Variants in SCN2A observed in about 807,000 individuals in gnomAD.
SCN2A encodes the protein sodium voltage-gated channel alpha subunit 2.
SCN2A carries 20 observed loss-of-function variants against 188.7 expected under a neutral mutation model. The ratio of observed to expected loss-of-function variants is 0.11; its 90% confidence interval spans 0.07 to 0.15. SCN2A has a LOEUF of 0.15. SCN2A is among the 10% of genes least tolerant of loss of function. SCN2A has a pLI of 1.00. For synonymous variants in SCN2A, 804 were observed against 833.1 expected (o/e 0.97, Z 0.60); for missense variants, 1,278 against 2,445.0 (o/e 0.52, Z 10.07).
At chr2:165,244,221 G>A (rs570969942) in intron 1 of SCN2A, among the ~76,000 whole-genome samples, 5 of 152,030 alleles carry the variant, frequency 3.3e-5, no homozygotes, top group Non-Finnish European at 7.4e-5. Context: ...CAGCTTGGGC[G>A]ATAGAGGGAA....
chr2:165,345,702 A>T (rs1035868454), intron 16 of SCN2A, among the ~76,000 whole-genome samples: 2 of 152,076 alleles, frequency 1.3e-5, no homozygotes, highest in Non-Finnish European at 2.9e-5. Context: ...CATTTAGCCC[A>T]TTTACATTTA....
intron 11 of SCN2A, among the ~76,000 whole-genome samples, chr2:165,320,003 A>G (rs1697986951): frequency 6.6e-6 from 1 of 152,230 alleles, no homozygotes; most frequent in South Asian, 2.1e-4. Context: ...GTCCAAACAA[A>G]GCCTCATCGG....
At position 165,280,565 on chromosome 2, in the gene SCN2A, GC is replaced by G. The variant is rs1177090435; in HGVS notation, c.-51-15203del. Among the ~76,000 whole-genome samples, 3 of 152,050 alleles carry G rather than the reference GC, an allele frequency of 2.0e-5. No homozygotes were observed. The East Asian group carries it at 5.8e-4, about 30-fold the overall frequency. On this transcript the variant is annotated intron_variant, in intron 1 of 26. Coordinates refer to ENST00000375437, the MANE Select transcript of SCN2A (RefSeq NM_001040142.2). ...GTCTGAAGTGCCGGTGAGTTTACGT[GC>G]CCCCACCCATATCCTTAGCGAAGAC...
chr2:165,269,239 C>T (rs917981613), intron 1 of SCN2A: 1 of 151,896 alleles, frequency 6.6e-6, no homozygotes, highest in East Asian at 1.9e-4. Context: ...TTAAGTTGCA[C>T]ACTGTAAATA....
At position 165,314,113 on chromosome 2, in the gene SCN2A, A is replaced by G. The variant is rs1697594985; in HGVS notation, c.1383+5A>G. On this transcript the variant is annotated splice_donor_5th_base_variant and intron_variant, in intron 10 of 26. Transcript: ENST00000375437. ...AAGCAACAAGAAGAAGCTCAGGTATAGTGAACAAGCATACGGTCCTTTGTT... is the reference window on the plus strand; with the variant it reads ...AAGCAACAAGAAGAAGCTCAGGTATGGTGAACAAGCATACGGTCCTTTGTT... 2 of 1,612,876 alleles carry G rather than the reference A, an allele frequency of 1.2e-6. No individual in the cohort carries two copies. Among genetic ancestry groups the G allele is most frequent in the Non-Finnish European group, 1.7e-6 (2 of 1,179,226 alleles).
rs185436593 is a variant in SCN2A, at chr2:165,265,417, A to G, written c.-52+25777A>G. On this transcript the variant is annotated intron_variant, in intron 1 of 26. Transcript: ENST00000375437. ...TGGATATTAGACCTTTGTCAGATGC[A>G]TAGTTGGCAAGTATTTTCTCCTATT... Among the ~76,000 whole-genome samples, 122 of 134,490 alleles carry G rather than the reference A, an allele frequency of 9.1e-4. 1 individual carries two copies. In the East Asian group the frequency reaches 0.021, roughly 23 times the overall value. 88.2% of individuals were successfully genotyped at this position (134,490 alleles called of 152,430 possible). A position where few individuals can be genotyped will look rare whatever the true frequency, so the allele number is the denominator to read the frequency against.
chr2:165,295,734 C>G (rs973067209), intron 1 of SCN2A, 39 bp from the exon 2 acceptor site: 2 of 1,584,372 alleles, frequency 1.3e-6, no homozygotes, highest in African/African-American at 2.7e-5. Flanking sequence ...ACCTTTTATT[C>G]TAATGGTCAT....
chr2:165,308,794 C>T lies in SCN2A; in HGVS notation c.605C>T (p.Ala202Val). The T allele has an allele frequency of 6.2e-7, 1 of 1,612,410 alleles. No individual in the cohort carries two copies. The highest frequency in any genetic ancestry group is 8.5e-7 in the Non-Finnish European group (1 of 1,178,838). Residue 202 changes from alanine to valine, a missense_variant and splice_region_variant, in exon 5 of 27, where the codon GCA becomes GTA. Coordinates refer to ENST00000375437, the MANE Select transcript of SCN2A (RefSeq NM_001040142.2). ...TTGGATTTCACAGTCATTACTTTTG[C>T]GTAAGTATCTTAATACATTTTCTAT... Reference protein sequence around the residue: ...NWLDFTVITFAYVTEFVDLGN... With the variant: ...NWLDFTVITFVYVTEFVDLGN...
At chr2:165,364,406 T>G (rs73025935) in intron 17 of SCN2A, among the ~76,000 whole-genome samples, 3,616 of 152,312 alleles carry the variant, frequency 0.024, 134 homozygotes, top group African/African-American at 0.08. Context: ...TATTTTTCTT[T>G]TGGTGATATT....
chr2:165,379,004 G>C lies in SCN2A; in HGVS notation c.4308+1354G>C, dbSNP rs1261360393. The stretch of plus-strand genomic sequence containing the variant: ...TAAGAACACTCGTACAATGCTGATA[G>C]GAAAAAAAATAGTTAAATAATCCTT... On this transcript the variant is annotated intron_variant, in intron 23 of 26. Transcript: ENST00000375437. Among the ~76,000 whole-genome samples the C allele has an allele frequency of 4.6e-5, 7 of 151,582 alleles. No individual in the cohort carries two copies. In the East Asian group the frequency reaches 1.4e-3, roughly 29 times the overall value.
intron 19 of SCN2A, among the ~76,000 whole-genome samples, chr2:165,368,975 G>T (rs1037387041): frequency 2.2e-4 from 34 of 152,076 alleles, no homozygotes; most frequent in African/African-American, 7.7e-4. Context: ...GCCCAGGCTG[G>T]AGTGCAGTGG....
Position 165,314,031 on chromosome 2 carries a change from T to G in SCN2A, c.1306T>G (p.Leu436Val). 2 of 1,613,806 alleles carry G rather than the reference T, an allele frequency of 1.2e-6. No individual in the cohort carries two copies. The highest frequency in any genetic ancestry group is 1.7e-6 in the Non-Finnish European group (2 of 1,179,782). The stretch of plus-strand genomic sequence containing the variant: ...CTATGAGGAACAGAATCAGGCCACA[T>G]TGGAAGAGGCTGAACAGAAGGAAGC... ...MAYEEQNQAT[L>V]EEAEQKEAEF... Residue 436 changes from leucine to valine, a missense_variant, in exon 10 of 27, where the codon TTG (leucine) becomes GTG (valine). By Grantham distance (32) the Leu-to-Val change is conservative. This residue lies in a region of SCN2A where 42 missense variants were observed against 137.3 expected (regional missense o/e 0.31). Coordinates refer to ENST00000375437, the MANE Select transcript of SCN2A (RefSeq NM_001040142.2).
intron 25 of SCN2A, among the ~76,000 whole-genome samples, chr2:165,385,856 TTAAAG>T (rs1701841354): frequency 6.6e-6 from 1 of 152,152 alleles, no homozygotes; most frequent in Non-Finnish European, 1.5e-5. Context: ...TATTAGTTGC[TTAAAG>T]TAAAATTAAT....
At position 165,370,556 on chromosome 2, in the gene SCN2A, T is replaced by C. The variant is rs1407470337; in HGVS notation, c.3849+257T>C. The C allele has an allele frequency of 4.0e-5, 16 of 399,558 alleles. No homozygotes were observed. The East Asian group carries it at 4.5e-4, about 11-fold the overall frequency. 24.8% of individuals were successfully genotyped at this position (399,558 alleles called of 1,614,324 possible). A position where few individuals can be genotyped will look rare whatever the true frequency, so the allele number is the denominator to read the frequency against. Reference sequence around the variant, plus strand: ...AATTAATATTTAAAATCTCAAGTTATGCAAAATAAAATATGAATTTAGAAA... The same window carrying C: ...AATTAATATTTAAAATCTCAAGTTACGCAAAATAAAATATGAATTTAGAAA... On this transcript the variant is annotated intron_variant, in intron 20 of 26. Coordinates refer to ENST00000375437, the MANE Select transcript of SCN2A (RefSeq NM_001040142.2).
chr2:165,330,898 A>G (rs939952157), intron 13 of SCN2A, among the ~76,000 whole-genome samples: 1 of 152,160 alleles, frequency 6.6e-6, no homozygotes, highest in Non-Finnish European at 1.5e-5. Context: ...GATCACCAAA[A>G]CATATCTAAT....
At chr2:165,271,339 A>G (rs1695094836) in intron 1 of SCN2A, 1 of 152,148 alleles carries the variant, frequency 6.6e-6, no homozygotes, top group South Asian at 2.1e-4. Flanking sequence ...TGTGCTTCCC[A>G]TTAAAGTATG....
intron 13 of SCN2A, among the ~76,000 whole-genome samples, chr2:165,330,515 A>G (rs917813204): frequency 3.3e-5 from 5 of 151,940 alleles, no homozygotes; most frequent in African/African-American, 1.2e-4. Flanking sequence ...ATCATTGTAC[A>G]TTTTCCTTGA....
intron 15 of SCN2A, among the ~76,000 whole-genome samples, chr2:165,344,169 T>C (rs1699447561): frequency 6.6e-6 from 1 of 152,182 alleles, no homozygotes; most frequent in South Asian, 2.1e-4. Flanking sequence ...CTTGAAAATT[T>C]GGTGTATCTT....
chr2:165,276,845 T>C (rs1695363722), intron 1 of SCN2A, among the ~76,000 whole-genome samples: 1 of 152,164 alleles, frequency 6.6e-6, no homozygotes, highest in Non-Finnish European at 1.5e-5. Context: ...TGTTGAGTTA[T>C]CTCTAATCCA....
Sources: gnomAD v4.1 joint callset for allele counts (sites outside exome capture counted in the v4.1 genomes callset) on GRCh38, gnomAD v4.1.1 for gene constraint, gnomAD v4.1.1 regional missense constraint, MANE v1.5 for transcripts, NCBI Gene and HGNC (gene_info 2026-07-23, HGNC 2026-07-21) for gene names.